PID1: variants seen among roughly 807,000 people sequenced by gnomAD.
PID1 encodes phosphotyrosine interaction domain containing 1, also known as PTB-containing, cubilin and LRP1-interacting protein.
A neutral mutation model predicts 19.1 loss-of-function variants in PID1; 10 were observed. That is an observed-to-expected ratio of 0.52 (90% CI 0.32 to 0.89). The LOEUF is 0.89. Among genes scored for constraint, PID1 ranks in the 40% least tolerant of loss-of-function variants. PID1 has a pLI of 0.03. For synonymous variants in PID1, 130 were observed against 116.0 expected (o/e 1.12, Z -0.78); for missense variants, 248 against 285.3 (o/e 0.87, Z 0.94).
At chr2:229,259,065 T>TC (rs1363941878) in intron 1 of PID1, among the ~76,000 whole-genome samples, 1 of 151,602 alleles carries the variant, frequency 6.6e-6, no homozygotes, top group African/African-American at 2.4e-5. Flanking sequence ...TAGTTTTTTT[T>TC]TTTTTTTCAG....
At chr2:229,161,579 G>A (rs768623291) in intron 1 of PID1, among the ~76,000 whole-genome samples, 22 of 152,144 alleles carry the variant, frequency 1.4e-4, no homozygotes, top group Non-Finnish European at 2.8e-4. Flanking sequence ...GCATGGTAAC[G>A]TTATCTCTTT....
At chr2:229,221,351 C>G (rs1197589064) in intron 1 of PID1, among the ~76,000 whole-genome samples, 2 of 152,146 alleles carry the variant, frequency 1.3e-5, no homozygotes, top group Admixed American at 1.3e-4. Flanking sequence ...TTCCTTCCTC[C>G]ACTTCTGTCC....
At chr2:229,246,201 T>A (rs1396805624) in intron 1 of PID1, among the ~76,000 whole-genome samples, 1 of 152,168 alleles carries the variant, frequency 6.6e-6, no homozygotes, top group Non-Finnish European at 1.5e-5. Context: ...TCTTTCAAAT[T>A]CATATTAGCC....
chr2:229,190,776 C>T (rs574700115), intron 1 of PID1, among the ~76,000 whole-genome samples: 1 of 151,682 alleles, frequency 6.6e-6, no homozygotes, highest in South Asian at 2.1e-4. Flanking sequence ...TTTTTTCTGT[C>T]TCATTCAACA....
At chr2:229,154,912 G>GA (rs964199997) in intron 2 of PID1, among the ~76,000 whole-genome samples, 5 of 152,138 alleles carry the variant, frequency 3.3e-5, no homozygotes, top group Non-Finnish European at 5.9e-5. Flanking sequence ...TATCGTGTGA[G>GA]AAAAAATCCA....
At position 229,198,163 on chromosome 2, in the gene PID1, G is replaced by A. The variant is rs74901164; in HGVS notation, c.31-42199C>T. Among the ~76,000 whole-genome samples, 24 of 151,994 alleles carry A rather than the reference G, an allele frequency of 1.6e-4. No homozygotes were observed. In the East Asian group the frequency reaches 3.9e-3, roughly 25 times the overall value. On this transcript the variant is annotated intron_variant, in intron 1 of 2. Transcript: ENST00000392055. ...GGAAACTATATAGAAAAATCTTCCC[G>A]AAATTTATTGTCTTTCCCGTTGTAC...
chr2:229,088,508 T>C (rs1225865054), intron 2 of PID1, among the ~76,000 whole-genome samples: 1 of 151,338 alleles, frequency 6.6e-6, no homozygotes, highest in African/African-American at 2.4e-5. Context: ...AATGAAGGAG[T>C]GGACAGAATA....
intron 2 of PID1, among the ~76,000 whole-genome samples, chr2:229,084,792 T>C (rs757151168): frequency 3.3e-5 from 5 of 152,286 alleles, no homozygotes; most frequent in Non-Finnish European, 5.9e-5. Flanking sequence ...TGAGAAACAA[T>C]GCACAGCATT....
At position 229,181,874 on chromosome 2, in the gene PID1, A is replaced by T. The variant is rs114919916; in HGVS notation, c.31-25910T>A. ...GAATTGCCTCCAGCAATAAGATTGA[A>T]TGGCACAGTTAAAAGTAATAAAGAG... On this transcript the variant is annotated intron_variant, in intron 1 of 2. Transcript: ENST00000392055. 7.1e-3 allele frequency among the ~76,000 whole-genome samples: 1,089 copies of T among 152,344 alleles called. 13 individuals carry two copies. Among genetic ancestry groups the T allele is most frequent in the African/African-American group, 0.025 (1,052 of 41,568 alleles).
chr2:229,239,624 T>C (rs1347200605), intron 1 of PID1, among the ~76,000 whole-genome samples: 1 of 152,174 alleles, frequency 6.6e-6, no homozygotes, highest in African/African-American at 2.4e-5. Flanking sequence ...ACCTTTTAAA[T>C]GATGATCTCT....
chr2:229,160,900 T>C (rs1457213252), intron 1 of PID1, among the ~76,000 whole-genome samples: 1 of 152,168 alleles, frequency 6.6e-6, no homozygotes, highest in Non-Finnish European at 1.5e-5. Context: ...TGGTGCATTT[T>C]TGGTGGTTAA....
intron 2 of PID1, among the ~76,000 whole-genome samples, chr2:229,065,892 T>C (rs1000382074): frequency 3.3e-5 from 5 of 152,126 alleles, no homozygotes; most frequent in African/African-American, 7.2e-5. Flanking sequence ...GAAAATAATT[T>C]GTATGCTTGA....
At chr2:229,115,073 C>T (rs764023687) in intron 2 of PID1, among the ~76,000 whole-genome samples, 1 of 152,060 alleles carries the variant, frequency 6.6e-6, no homozygotes, top group Non-Finnish European at 1.5e-5. Flanking sequence ...AATTCAATTT[C>T]CTATCTTACC....
At position 229,026,111 on chromosome 2, in the gene PID1, GC is replaced by G; in HGVS notation, c.178-4del. 2 of 1,604,708 alleles carry G rather than the reference GC, an allele frequency of 1.2e-6. No individual in the cohort carries two copies. The highest frequency in any genetic ancestry group is 1.7e-6 in the Non-Finnish European group (2 of 1,172,008). Reference sequence around the variant, plus strand: ...GAGACTTTGCCCAGGTAGGTAACCTGCAGATGCAAGAGAGGAAGAAAAGGGA... The same window carrying G: ...GAGACTTTGCCCAGGTAGGTAACCTGAGATGCAAGAGAGGAAGAAAAGGGA... On this transcript the variant is annotated splice_region_variant and splice_polypyrimidine_tract_variant and intron_variant, in intron 2 of 2. Transcript: ENST00000392055.
At chr2:229,155,020 G>A (rs534793905) in intron 2 of PID1, among the ~76,000 whole-genome samples, 1 of 152,280 alleles carries the variant, frequency 6.6e-6, no homozygotes, top group South Asian at 2.1e-4. Flanking sequence ...TCTGAGGCAT[G>A]AATATTAGTA....
intron 2 of PID1, among the ~76,000 whole-genome samples, chr2:229,152,379 C>T (rs149976011): frequency 2.0e-3 from 301 of 152,244 alleles, no homozygotes; most frequent in Non-Finnish European, 3.4e-3. Flanking sequence ...TGTCTTATTC[C>T]TTCTACTTGG....
rs372577543 is a variant in PID1, at chr2:229,179,158, T to G, written c.31-23194A>C. On this transcript the variant is annotated intron_variant, in intron 1 of 2. Coordinates refer to ENST00000392055, the MANE Select transcript of PID1 (RefSeq NM_001100818.2). ...ATGATCTCAATTCTGTGTCTCCTCA[T>G]ACTGAGGCTCTGTGCCCCTCCCCAT... Among the ~76,000 whole-genome samples the G allele has an allele frequency of 2.4e-4, 36 of 152,260 alleles. No homozygotes were observed. In the South Asian group the frequency reaches 5.6e-3, roughly 24 times the overall value.
intron 2 of PID1, among the ~76,000 whole-genome samples, chr2:229,090,613 G>A (rs1694853344): frequency 1.3e-5 from 2 of 152,154 alleles, no homozygotes; most frequent in African/African-American, 2.4e-5. Flanking sequence ...TAATTTTTAA[G>A]TACCCAATTC....
chr2:229,046,791 C>A (rs112184879), intron 2 of PID1, among the ~76,000 whole-genome samples: 4 of 152,226 alleles, frequency 2.6e-5, no homozygotes, highest in African/African-American at 9.6e-5. Context: ...TACAATTTGA[C>A]GATACCATCT....
Sources: gnomAD v4.1 joint callset for allele counts (sites outside exome capture counted in the v4.1 genomes callset) on GRCh38, gnomAD v4.1.1 for gene constraint, MANE v1.5 for transcripts, NCBI Gene and HGNC (gene_info 2026-07-23, HGNC 2026-07-21) for gene names.